Variants in LIPF observed in about 807,000 individuals in gnomAD.
LIPF encodes the protein lipase F, gastric type.
In LIPF, 25 loss-of-function variants were observed where a neutral mutation model predicts 38.0. That is an observed-to-expected ratio of 0.66 (90% CI 0.48 to 0.92). The LOEUF (loss-of-function observed/expected upper bound fraction) is 0.92. Ranked by LOEUF, LIPF falls within the 40% of genes least tolerant of loss-of-function variation. The pLI, the probability that LIPF is intolerant of heterozygous loss-of-function variation, is 0.00. For synonymous variants in LIPF, 161 were observed against 156.2 expected, an observed-to-expected ratio of 1.03 and a Z score of -0.23; for missense variants, 410 against 469.9, an observed-to-expected ratio of 0.87 and a Z score of 1.18.
chr10:88,665,495 T>A (rs2134630910), intron 1 of LIPF: 1 of 1,515,530 alleles, frequency 6.6e-7, no homozygotes, highest in Non-Finnish European at 8.9e-7. Context: ...GCAACAAGCA[T>A]TTTGAGAAAT....
At position 88,669,914 on chromosome 10, in the gene LIPF, A is replaced by G; in HGVS notation, c.500A>G (p.His167Arg). 1.2e-6 allele frequency: 2 copies of G among 1,613,354 alleles called. No individual in the cohort carries two copies. The highest frequency in any genetic ancestry group is 1.7e-6 in the Non-Finnish European group (2 of 1,179,424). ...IVKKTGQKQL[H>R]YVGHSQGTTI... ...AAGAAAACTGGACAGAAGCAGCTAC[A>G]CTATGTTGGCCATTCCCAGGGCACC... The change falls in exon 5 of 10, where the codon CAC becomes CGC. Residue 167 changes from histidine to arginine, a missense_variant. Physicochemically the swap from His to Arg is conservative, Grantham distance 29 (BLOSUM62 0). Transcript: ENST00000238983.
chr10:88,676,074 T>G (rs1841681547), intron 8 of LIPF, 135 bp from the exon 9 acceptor site: 1 of 587,880 alleles, frequency 1.7e-6, no homozygotes, highest in Non-Finnish European at 3.0e-6. Flanking sequence ...CCTAGATTAT[T>G]AATAATCTTT....
intron 2 of LIPF, 60 bp from the exon 3 acceptor site, chr10:88,667,509 C>A: frequency 9.3e-7 from 1 of 1,071,238 alleles, no homozygotes; most frequent in Non-Finnish European, 1.4e-6. Context: ...CAGTAATATT[C>A]ATTTATTAGA....
At chr10:88,675,705 C>A (rs369763829) in intron 8 of LIPF, 48 bp downstream of exon 8, 1 of 1,358,732 alleles carries the variant, frequency 7.4e-7, no homozygotes, top group African/African-American at 1.4e-5. Context: ...AGTCTCAACC[C>A]TTTTCACTTT....
intron 9 of LIPF, among the ~76,000 whole-genome samples, chr10:88,677,495 A>T (rs993707345): frequency 6.6e-6 from 1 of 152,218 alleles, no homozygotes; most frequent in Admixed American, 6.5e-5. Context: ...GAATAATAGG[A>T]TGTAAGTAAA....
At chr10:88,673,540 T>C (rs768606322) in intron 6 of LIPF, 48 bp from the exon 7 acceptor site, 135 of 1,466,350 alleles carry the variant, frequency 9.2e-5, no homozygotes, top group Non-Finnish European at 1.2e-4. Flanking sequence ...GTGAGTCTTT[T>C]CTGCAGCTTG....
chr10:88,677,079 C>T (rs1223040809), intron 9 of LIPF, among the ~76,000 whole-genome samples: 1 of 152,162 alleles, frequency 6.6e-6, no homozygotes, highest in East Asian at 1.9e-4. Flanking sequence ...AGTAGCTGAA[C>T]AACTCTACTA....
Position 88,678,467 on chromosome 10 carries a change from T to C in LIPF, c.983T>C (p.Val328Ala). ...YDQSQPPYYN[V>A]TAMNVPIAVW... ...TAGTCCCAACCTCCCTACTACAATG[T>C]GACAGCCATGAATGTACCAATTGCA... The change falls in exon 10 of 10, where the codon GTG (valine) becomes GCG (alanine). Residue 328 changes from valine (V) to alanine (A), a missense_variant. Coordinates refer to ENST00000238983, the MANE Select transcript of LIPF (RefSeq NM_004190.4). 6.2e-7 allele frequency: 1 copy of C among 1,613,922 alleles called. No individual in the cohort carries two copies. The highest frequency in any genetic ancestry group is 1.1e-5 in the South Asian group (1 of 91,066).
At chr10:88,675,277 T>C (rs1249726238) in intron 7 of LIPF, among the ~76,000 whole-genome samples, 3 of 152,196 alleles carry the variant, frequency 2.0e-5, no homozygotes, top group Non-Finnish European at 4.4e-5. Flanking sequence ...AGACCCAAAT[T>C]AAAGTATCTG....
In LIPF at chr10:88,675,618, A is replaced by C. The variant is rs376710038; in HGVS notation, c.849A>C (p.Pro283=). The part of the protein sequence containing the change: ...SRLDVYLSHN[P]AGTSVQNMFH... ...TGGATGTGTATCTATCACATAATCC[A>C]GCAGGAACTTCTGTTCAAAACATGT... Residue 283 remains proline, a synonymous_variant, in exon 8 of 10, where the codon CCA becomes CCC. Coordinates refer to ENST00000238983, the MANE Select transcript of LIPF (RefSeq NM_004190.4). The C allele has an allele frequency of 1.9e-5, 31 of 1,612,846 alleles. 1 individual carries two copies. The highest frequency in any genetic ancestry group is 1.6e-4 in the East Asian group (7 of 44,812).
chr10:88,668,899 T>C, intron 4 of LIPF, 143 bp downstream of exon 4: 1 of 706,640 alleles, frequency 1.4e-6, no homozygotes, highest in Non-Finnish European at 2.3e-6. Flanking sequence ...ATTCTTGGAT[T>C]CTTCCATGTA....
intron 6 of LIPF, among the ~76,000 whole-genome samples, chr10:88,672,411 T>G (rs1841613343): frequency 6.6e-6 from 1 of 152,098 alleles, no homozygotes; most frequent in Non-Finnish European, 1.5e-5. Context: ...AATCAGTGAT[T>G]GAGTGAGGCA....
At chr10:88,667,260 A>G in intron 1 of LIPF, 27 bp from the exon 2 acceptor site, 1 of 1,253,114 alleles carries the variant, frequency 8.0e-7, no homozygotes, top group Non-Finnish European at 1.2e-6. Flanking sequence ...TGGATTAACC[A>G]TGGCACGGGT....
chr10:88,673,674 T>C lies in LIPF; in HGVS notation c.756T>C (p.Asn252=), dbSNP rs1041525466. Reference sequence around the variant, plus strand: ...AAGTGTGCTCCCGTGAGATGCTGAATCTCCTTTGCAGCAATGCCTTATTTA... The same window carrying C: ...AAGTGTGCTCCCGTGAGATGCTGAACCTCCTTTGCAGCAATGCCTTATTTA... The part of the protein sequence containing the change: ...ATEVCSREML[N]LLCSNALFII... Residue 252 remains asparagine, a synonymous_variant, in exon 7 of 10, where the codon AAT becomes AAC. Transcript: ENST00000238983. 6.2e-7 allele frequency: 1 copy of C among 1,612,550 alleles called. No homozygotes were observed. Among genetic ancestry groups the C allele is most frequent in the African/African-American group, 1.3e-5 (1 of 74,912 alleles).
Position 88,678,749 on chromosome 10 carries a change from A to T in LIPF, c.*68A>T. On this transcript the variant is annotated 3_prime_UTR_variant, in exon 10 of 10. Transcript: ENST00000238983. ...TTATTCTCTCATACATAGTATTTTC[A>T]TAATGTTTGACATGCAGTGCTTCTT... 1 of 1,063,642 alleles carries T rather than the reference A, an allele frequency of 9.4e-7. No homozygotes were observed. The highest frequency in any genetic ancestry group is 1.4e-5 in the South Asian group (1 of 71,668). 65.9% of individuals were successfully genotyped at this position (1,063,642 alleles called of 1,614,324 possible). A position where few individuals can be genotyped will look rare whatever the true frequency, so the allele number is the denominator to read the frequency against.
chr10:88,665,755 T>TTTTTTTG (rs1841502875), intron 1 of LIPF, among the ~76,000 whole-genome samples: 1 of 147,264 alleles, frequency 6.8e-6, no homozygotes, highest in African/African-American at 2.5e-5. Context: ...TTTTTTTTTT[T>TTTTTTTG]TTTTTTGAGA....
At chr10:88,675,481 C>T in intron 7 of LIPF, 105 bp from the exon 8 acceptor site, 2 of 858,858 alleles carry the variant, frequency 2.3e-6, no homozygotes, top group South Asian at 1.5e-5. Context: ...TAAATGCTAC[C>T]TTTAAACACT....
chr10:88,678,379 G>A, intron 9 of LIPF, 66 bp from the exon 10 acceptor site: 1 of 1,145,140 alleles, frequency 8.7e-7, no homozygotes, highest in Non-Finnish European at 1.3e-6. Flanking sequence ...CACTCTACTT[G>A]AATAGTAAGT....
In LIPF at chr10:88,673,666, A is replaced by G. The variant is rs1841639155; in HGVS notation, c.748A>G (p.Met250Val). 3 of 1,612,554 alleles carry G rather than the reference A, an allele frequency of 1.9e-6. No homozygotes were observed. The African/African-American group carries it at 4.0e-5, about 22-fold the overall frequency. ...FLATEVCSRE[M>V]LNLLCSNALF... ...TGCTACTGAAGTGTGCTCCCGTGAG[A>G]TGCTGAATCTCCTTTGCAGCAATGC... Residue 250 changes from methionine (M) to valine (V), a missense_variant, in exon 7 of 10, where the codon ATG (methionine) becomes GTG (valine). Physicochemically the swap from Met to Val is conservative, Grantham distance 21. Coordinates refer to ENST00000238983, the MANE Select transcript of LIPF (RefSeq NM_004190.4).
Sources: gnomAD v4.1 joint callset for allele counts (sites outside exome capture counted in the v4.1 genomes callset) on GRCh38, gnomAD v4.1.1 for gene constraint, MANE v1.5 for transcripts, NCBI Gene and HGNC (gene_info 2026-07-23, HGNC 2026-07-21) for gene names.